The following WDR70 variants were observed in gnomAD, a reference collection of about 807,000 sequenced individuals.
The protein encoded by WDR70 is WD repeat-containing protein 70.
In WDR70, 53 loss-of-function variants were observed where a neutral mutation model predicts 88.6. That is an observed-to-expected ratio of 0.60 (90% CI 0.48 to 0.75). WDR70 has a LOEUF of 0.75. Among genes scored for constraint, WDR70 ranks in the 30% least tolerant of loss-of-function variants. The probability of loss-of-function intolerance (pLI) is 0.00; values close to 1 mark genes in which losing one functional copy is unlikely to be tolerated. For missense variants in WDR70, 610 were observed against 823.2 expected (o/e 0.74, Z 3.17); for synonymous variants, 280 against 270.0 (o/e 1.04, Z -0.36).
chr5:37,455,890 C>T (rs1243689318), intron 7 of WDR70, among the ~76,000 whole-genome samples: 3 of 152,082 alleles, frequency 2.0e-5, no homozygotes, highest in Admixed American at 6.6e-5. Context: ...TTCTGACCCC[C>T]AGGTAACCAC....
chr5:37,455,398 T>C (rs1738800061), intron 7 of WDR70, among the ~76,000 whole-genome samples: 1 of 151,656 alleles, frequency 6.6e-6, no homozygotes. Flanking sequence ...CACGCCACCA[T>C]GCCCGGCTAA....
chr5:37,446,928 A>G (rs1229213357), intron 7 of WDR70, among the ~76,000 whole-genome samples: 1 of 152,228 alleles, frequency 6.6e-6, no homozygotes, highest in Non-Finnish European at 1.5e-5. Context: ...ACAAAAGCCA[A>G]AATTGACAAA....
At chr5:37,419,718 G>T (rs942273725) in intron 5 of WDR70, among the ~76,000 whole-genome samples, 3 of 152,028 alleles carry the variant, frequency 2.0e-5, no homozygotes, top group African/African-American at 7.2e-5. Flanking sequence ...GGGAGGCTGA[G>T]GCAGGAGAAT....
At position 37,735,189 on chromosome 5, in the gene WDR70, T is replaced by G. The variant is rs139712280; in HGVS notation, c.1877+8144T>G. 7.7e-4 allele frequency among the ~76,000 whole-genome samples: 117 copies of G among 152,282 alleles called. 2 individuals carry two copies. The East Asian group carries it at 0.022, about 28-fold the overall frequency. Reference sequence around the variant, plus strand: ...GGCTGCTTGGTAATTAATATTTTCTTGGACAGTCATTCATTCAGATTTTCA... The same window carrying G: ...GGCTGCTTGGTAATTAATATTTTCTGGGACAGTCATTCATTCAGATTTTCA... On this transcript the variant is annotated intron_variant, in intron 17 of 17. Transcript: ENST00000265107.
intron 13 of WDR70, among the ~76,000 whole-genome samples, chr5:37,704,778 T>A (rs72743170): frequency 0.031 from 4,789 of 152,226 alleles, 99 homozygotes; most frequent in Middle Eastern, 0.11. Context: ...CATGTGTAAA[T>A]CTTCGGTTAG....
At chr5:37,738,785 C>G (rs1027167407) in intron 17 of WDR70, among the ~76,000 whole-genome samples, 5 of 152,054 alleles carry the variant, frequency 3.3e-5, no homozygotes, top group Non-Finnish European at 7.4e-5. Flanking sequence ...AATCAGTTTT[C>G]CAAAAAGTAT....
intron 9 of WDR70, among the ~76,000 whole-genome samples, chr5:37,592,953 C>G (rs1743579586): frequency 6.6e-6 from 1 of 152,178 alleles, no homozygotes; most frequent in Admixed American, 6.5e-5. Flanking sequence ...CAAAGAGTTC[C>G]AGACCAGTCT....
At chr5:37,441,663 C>G (rs1185554831) in intron 6 of WDR70, among the ~76,000 whole-genome samples, 1 of 151,938 alleles carries the variant, frequency 6.6e-6, no homozygotes, top group African/African-American at 2.4e-5. Flanking sequence ...CTAAAAAATA[C>G]AAAAATAAGC....
At chr5:37,442,033 A>ATTTTTTT in intron 6 of WDR70, among the ~76,000 whole-genome samples, 1 of 116,544 alleles carries the variant, frequency 8.6e-6, no homozygotes, top group African/African-American at 3.1e-5. Context: ...AGGGAAAGCA[A>ATTTTTTT]TTTTTTTTTT....
chr5:37,387,595 TG>T (rs1748664805), intron 3 of WDR70, among the ~76,000 whole-genome samples: 1 of 152,020 alleles, frequency 6.6e-6, no homozygotes, highest in Non-Finnish European at 1.5e-5. Context: ...AAAATACCAT[TG>T]GGATAATTTA....
chr5:37,625,139 G>C (rs965776048), intron 10 of WDR70, among the ~76,000 whole-genome samples: 1 of 152,194 alleles, frequency 6.6e-6, no homozygotes, highest in African/African-American at 2.4e-5. Flanking sequence ...GTTTGCTTCA[G>C]AGGCTGCTTC....
At chr5:37,540,542 C>T (rs1741787274) in intron 9 of WDR70, among the ~76,000 whole-genome samples, 1 of 152,100 alleles carries the variant, frequency 6.6e-6, no homozygotes, top group Non-Finnish European at 1.5e-5. Context: ...CTACCATGCC[C>T]AGCTAATTTT....
intron 9 of WDR70, among the ~76,000 whole-genome samples, chr5:37,528,910 T>TTG (rs1468729739): frequency 6.2e-4 from 90 of 145,678 alleles, no homozygotes; most frequent in Non-Finnish European, 8.5e-4. Context: ...TAGAGGGGGT[T>TTG]TTTTTTTTTT....
intron 8 of WDR70, chr5:37,506,850 C>T (rs1740575530): frequency 1.6e-6 from 2 of 1,250,256 alleles, no homozygotes; most frequent in East Asian, 2.3e-5. Context: ...ACAGGGTCAC[C>T]CGCCTCATTG....
chr5:37,635,185 A>G (rs899638821), intron 10 of WDR70, among the ~76,000 whole-genome samples: 9 of 152,234 alleles, frequency 5.9e-5, no homozygotes, highest in African/African-American at 2.2e-4. Flanking sequence ...GCCTTACTCA[A>G]CTTTGGATCA....
intron 7 of WDR70, among the ~76,000 whole-genome samples, chr5:37,450,679 T>C (rs561803605): frequency 6.6e-6 from 1 of 152,352 alleles, no homozygotes; most frequent in African/African-American, 2.4e-5. Context: ...TCTTAATGTC[T>C]TTTAATTTGA....
chr5:37,668,928 T>C (rs56832651), intron 10 of WDR70, among the ~76,000 whole-genome samples: 56,996 of 152,078 alleles, frequency 0.37, 12,023 homozygotes, highest in Non-Finnish European at 0.47. Context: ...GGACTGAAAG[T>C]AGAGAACCCT....
intron 9 of WDR70, among the ~76,000 whole-genome samples, chr5:37,577,209 A>G (rs1347664814): frequency 6.6e-6 from 1 of 152,226 alleles, no homozygotes; most frequent in Non-Finnish European, 1.5e-5. Context: ...TTTGAAGCTG[A>G]CAGAATAAAA....
intron 10 of WDR70, among the ~76,000 whole-genome samples, chr5:37,619,619 T>C (rs538414195): frequency 6.6e-6 from 1 of 152,210 alleles, no homozygotes; most frequent in Non-Finnish European, 1.5e-5. Context: ...GAAACAGTTC[T>C]CTGGTCTGTG....
Sources: gnomAD v4.1 joint callset for allele counts (sites outside exome capture counted in the v4.1 genomes callset) on GRCh38, gnomAD v4.1.1 for gene constraint, MANE v1.5 for transcripts, NCBI Gene and HGNC (gene_info 2026-07-23, HGNC 2026-07-21) for gene names.